The following PEF1 variants were observed in gnomAD, a reference collection of about 807,000 sequenced individuals.
PEF1 encodes peflin.
PEF1 carries 17 observed loss-of-function variants against 32.0 expected under a neutral mutation model. The ratio of observed to expected loss-of-function variants is 0.53; its 90% CI spans 0.36 to 0.80. PEF1 has a LOEUF of 0.80. PEF1 is among the 30% of genes least tolerant of loss of function. The probability of loss-of-function intolerance (pLI) is 0.00; values close to 1 mark genes in which losing one functional copy is unlikely to be tolerated. For synonymous variants in PEF1, 130 were observed against 139.8 expected (o/e 0.93, Z 0.50); for missense variants, 362 against 369.1 (o/e 0.98, Z 0.16).
intron 1 of PEF1, among the ~76,000 whole-genome samples, chr1:31,636,208 G>A (rs1356039181): frequency 6.6e-6 from 1 of 152,148 alleles, no homozygotes; most frequent in South Asian, 2.1e-4. Flanking sequence ...AGTCTGAGGC[G>A]GGCAGACTGC....
At position 31,644,845 on chromosome 1, in the gene PEF1, C is replaced by G. The variant is rs540821693; in HGVS notation, c.20G>C (p.Arg7Pro). Reference protein sequence around the residue: MASYPYRQGCPGAAGQA... With the variant: MASYPYPQGCPGAAGQA... ...GCGGGCCCCTCACACACTCACCTGCCGGTAAGGATAGCTGGCCATGGTGAT... is the reference window on the plus strand; with the variant it reads ...GCGGGCCCCTCACACACTCACCTGCGGGTAAGGATAGCTGGCCATGGTGAT... The change falls in exon 1 of 5, where the codon CGG (arginine) becomes CCG (proline). Residue 7 changes from arginine to proline, a missense_variant. Arg to Pro is a moderately radical substitution (Grantham distance 103, BLOSUM62 -2). Coordinates refer to ENST00000373703, the MANE Select transcript of PEF1 (RefSeq NM_012392.4). 2.5e-6 allele frequency: 4 copies of G among 1,613,982 alleles called. No homozygotes were observed. Among genetic ancestry groups the G allele is most frequent in the African/African-American group, 2.7e-5 (2 of 75,044 alleles).
intron 1 of PEF1, among the ~76,000 whole-genome samples, chr1:31,642,013 C>T (rs574090605): frequency 6.6e-6 from 1 of 152,342 alleles, no homozygotes; most frequent in Non-Finnish European, 1.5e-5. Context: ...AGGTGGATCA[C>T]CTGAGGTTAG....
rs754234141 is a variant in PEF1, at chr1:31,635,304, A to G, written c.243T>C (p.Tyr81=). The stretch of plus-strand genomic sequence containing the variant: ...AGGGGCCCCCGGGAGCTGCACCGCC[A>G]TATGGTCCTCCTGGAGTTCCAGAGG... ...MFPSGTPGGP[Y]GGAAPGGPYG... The change falls in exon 2 of 5, where the codon TAT becomes TAC. Residue 81 remains tyrosine, a synonymous_variant. Transcript: ENST00000373703. 6.2e-7 allele frequency: 1 copy of G among 1,614,094 alleles called. No homozygotes were observed. The highest frequency in any genetic ancestry group is 1.3e-5 in the African/African-American group (1 of 75,024).
At chr1:31,644,322 C>CA (rs947178229) in intron 1 of PEF1, 1 of 969,566 alleles carries the variant, frequency 1.0e-6, no homozygotes, top group African/African-American at 1.8e-5. Context: ...TCTCGGGGTT[C>CA]ACTTTTCTAC....
intron 1 of PEF1, among the ~76,000 whole-genome samples, chr1:31,641,264 A>C (rs1026654322): frequency 3.3e-5 from 5 of 152,158 alleles, no homozygotes; most frequent in Non-Finnish European, 7.3e-5. Context: ...CTACCTCCCA[A>C]GTGCTTCTCA....
intron 3 of PEF1, among the ~76,000 whole-genome samples, 174 bp from the exon 4 acceptor site, chr1:31,632,812 G>A (rs760391671): frequency 2.6e-5 from 4 of 152,142 alleles, no homozygotes; most frequent in Admixed American, 6.5e-5. Flanking sequence ...GCGTTGCACC[G>A]TCCTCCTACT....
intron 2 of PEF1, among the ~76,000 whole-genome samples, chr1:31,633,885 G>A (rs1300886709): frequency 3.9e-5 from 6 of 151,912 alleles, no homozygotes; most frequent in African/African-American, 1.2e-4. Flanking sequence ...AACCCGGGAG[G>A]TGGAGGTTGT....
intron 1 of PEF1, chr1:31,644,531 C>G (rs1333812325): frequency 1.5e-6 from 2 of 1,352,600 alleles, no homozygotes; most frequent in Non-Finnish European, 1.9e-6. Context: ...CGCCCAAGGC[C>G]CCCATGAGGG....
In PEF1 at chr1:31,633,184, A is replaced by G; in HGVS notation, c.456T>C (p.Asn152=). ...ALVNCNWSSF[N]DETCLMMINM... is the part of the protein sequence containing the mutation. ...TTATCATCATGAGGCAGGTCTCATC[A>G]TTGAATGAAGACCAATTGCAGTTGA... The change falls in exon 3 of 5, where the codon AAT becomes AAC. Residue 152 remains asparagine (N), a synonymous_variant. Coordinates refer to ENST00000373703, the MANE Select transcript of PEF1 (RefSeq NM_012392.4). 1 of 1,614,030 alleles carries G rather than the reference A, an allele frequency of 6.2e-7. No homozygotes were observed. Among genetic ancestry groups the G allele is most frequent in the Non-Finnish European group, 8.5e-7 (1 of 1,179,930 alleles).
chr1:31,637,762 A>G (rs1640296287), intron 1 of PEF1, among the ~76,000 whole-genome samples: 1 of 152,080 alleles, frequency 6.6e-6, no homozygotes, highest in South Asian at 2.1e-4. Flanking sequence ...CAGAGCCCCT[A>G]CAATATGGAA....
rs1640372795 is a variant in PEF1 at position 31,640,750 on chromosome 1, A to G, written c.24+4091T>C. Among the ~76,000 whole-genome samples the G allele has an allele frequency of 2.6e-5, 4 of 152,040 alleles. No homozygotes were observed. In the South Asian group the frequency reaches 8.3e-4, roughly 32 times the overall value. On this transcript the variant is annotated intron_variant, in intron 1 of 4. Coordinates refer to ENST00000373703, the MANE Select transcript of PEF1 (RefSeq NM_012392.4). ...TTACCTCCTCCCAAATAACCACCTC[A>G]GAAAGTCCGGTATTTTTTTTTTCTT...
chr1:31,640,294 G>A (rs78138402), intron 1 of PEF1, among the ~76,000 whole-genome samples: 3,266 of 152,236 alleles, frequency 0.021, 106 homozygotes, highest in African/African-American at 0.074. Context: ...AGAAAATTAA[G>A]GGGCAGAGAG....
At chr1:31,636,002 A>G (rs751153613) in intron 1 of PEF1, among the ~76,000 whole-genome samples, 2 of 152,218 alleles carry the variant, frequency 1.3e-5, no homozygotes, top group Non-Finnish European at 1.5e-5. Flanking sequence ...GTCACAAATG[A>G]CATAGCTATA....
intron 1 of PEF1, among the ~76,000 whole-genome samples, chr1:31,642,503 A>G (rs1019240057): frequency 2.0e-5 from 3 of 152,208 alleles, no homozygotes; most frequent in Non-Finnish European, 4.4e-5. Flanking sequence ...TCTGACTCCT[A>G]ACAATAGGCT....
chr1:31,633,909 C>T (rs1640185207), intron 2 of PEF1, among the ~76,000 whole-genome samples: 1 of 151,110 alleles, frequency 6.6e-6, no homozygotes, highest in Non-Finnish European at 1.5e-5. Flanking sequence ...GAGCCAAGAT[C>T]ACGCCATTGC....
rs779488499 is a variant in PEF1 at position 31,633,229 on chromosome 1, C to T, written c.411G>A (p.Lys137=). Residue 137 remains lysine, a synonymous_variant, in exon 3 of 5, where the codon AAG becomes AAA. Coordinates refer to ENST00000373703, the MANE Select transcript of PEF1 (RefSeq NM_012392.4). ...DSDHSGYISM[K]ELKQALVNCN... The stretch of plus-strand genomic sequence containing the variant: ...AGTTGACCAGGGCCTGCTTTAGCTC[C>T]TTCATGGAGATATAGCCACTGTGAT... 2 of 1,614,112 alleles carry T rather than the reference C, an allele frequency of 1.2e-6. No homozygotes were observed. The highest frequency in any genetic ancestry group is 3.3e-5 in the Admixed American group (2 of 60,022).
At chr1:31,635,024 G>A (rs1292074296) in intron 2 of PEF1, 198 bp downstream of exon 2, 38 of 768,704 alleles carry the variant, frequency 4.9e-5, no homozygotes, top group Non-Finnish European at 8.4e-5. Context: ...AAGTAAGCAT[G>A]AGCAAGCAAT....
In PEF1 at chr1:31,642,925, C is replaced by A. The variant is rs536777140; in HGVS notation, c.24+1916G>T. Among the ~76,000 whole-genome samples the A allele has an allele frequency of 2.6e-4, 40 of 152,350 alleles. 1 individual carries two copies. The highest frequency in any genetic ancestry group is 8.9e-4 in the African/African-American group (37 of 41,590). On this transcript the variant is annotated intron_variant, in intron 1 of 4. Coordinates refer to ENST00000373703, the MANE Select transcript of PEF1 (RefSeq NM_012392.4). ...GGTATATAACTATTAAGTAATACAG[C>A]TAGAATTCTAGCACAGTTCTCTCTA... is the stretch of plus-strand genomic sequence containing the variant.
At chr1:31,633,657 G>A (rs1018125835) in intron 2 of PEF1, among the ~76,000 whole-genome samples, 10 of 152,156 alleles carry the variant, frequency 6.6e-5, no homozygotes, top group Admixed American at 1.3e-4. Flanking sequence ...ATGGGTGGTA[G>A]ATAAAAGTGT....
Sources: gnomAD v4.1 joint callset for allele counts (sites outside exome capture counted in the v4.1 genomes callset) on GRCh38, gnomAD v4.1.1 for gene constraint, MANE v1.5 for transcripts, NCBI Gene and HGNC (gene_info 2026-07-23, HGNC 2026-07-21) for gene names.